Variants in NAALADL2 observed in about 807,000 individuals in gnomAD.
NAALADL2 encodes N-acetylated alpha-linked acidic dipeptidase like 2, also known as inactive N-acetylated-alpha-linked acidic dipeptidase-like protein 2.
A neutral mutation model predicts 87.2 loss-of-function variants in NAALADL2; 76 were observed. That is an observed-to-expected ratio of 0.87 (90% CI 0.72 to 1.05). The LOEUF is 1.05. Among genes scored for constraint, NAALADL2 ranks in the 50% least tolerant of loss-of-function variants. The probability of loss-of-function intolerance (pLI) is 0.00; values close to 1 mark genes in which losing one functional copy is unlikely to be tolerated. For synonymous variants in NAALADL2, 354 were observed against 331.0 expected, an observed-to-expected ratio of 1.07 and a Z score of -0.75; for missense variants, 1,089 against 945.8, an observed-to-expected ratio of 1.15 and a Z score of -1.99.
At chr3:174,615,272 ATCCT>A (rs753077900) in intron 2 of NAALADL2, among the ~76,000 whole-genome samples, 7 of 152,302 alleles carry the variant, frequency 4.6e-5, no homozygotes, top group Non-Finnish European at 1.0e-4. Flanking sequence ...GATCTGATCT[ATCCT>A]TCTTTCAGGT....
At chr3:174,540,513 G>A (rs1289123259) in intron 1 of NAALADL2, among the ~76,000 whole-genome samples, 1 of 152,148 alleles carries the variant, frequency 6.6e-6, no homozygotes, top group African/African-American at 2.4e-5. Context: ...AACTTTCAAA[G>A]CAAGTGGGAT....
At chr3:175,410,480 C>T (rs1484550640) in intron 5 of NAALADL2, among the ~76,000 whole-genome samples, 1 of 152,096 alleles carries the variant, frequency 6.6e-6, no homozygotes, top group Non-Finnish European at 1.5e-5. Flanking sequence ...CACTCACCTA[C>T]TGATTTATTC....
rs554520544 is a variant in NAALADL2, at chr3:174,647,748, CT to C, written c.-114-89888del. ...CCTAAGGAAGTATTCAGTGACAAAT[CT>C]TTTTCACTTGACTCCCTTGATTGAC... On this transcript the variant is annotated intron_variant, in intron 2 of 3. Transcript: ENST00000434257. 4.0e-3 allele frequency among the ~76,000 whole-genome samples: 616 copies of C among 152,248 alleles called. 4 individuals carry two copies. The highest frequency in any genetic ancestry group is 6.5e-3 in the Non-Finnish European group (444 of 68,018).
intron 2 of NAALADL2, among the ~76,000 whole-genome samples, chr3:175,098,557 T>C (rs1646466763): frequency 6.6e-6 from 1 of 152,124 alleles, no homozygotes; most frequent in African/African-American, 2.4e-5. Flanking sequence ...GAGAGGGAAA[T>C]ACCTCAGCTT....
intron 1 of NAALADL2, among the ~76,000 whole-genome samples, chr3:174,891,834 G>A (rs891060093): frequency 2.6e-5 from 4 of 152,072 alleles, no homozygotes; most frequent in African/African-American, 9.7e-5. Flanking sequence ...AGCCAAGAGA[G>A]TGCTGGCATT....
intron 1 of NAALADL2, chr3:174,458,381 A>G (rs912862142): frequency 1.3e-5 from 2 of 152,138 alleles, no homozygotes; most frequent in Non-Finnish European, 1.5e-5. Context: ...GATTTTTCCT[A>G]TTTCACAAAC....
At chr3:175,367,166 T>A (rs1037587982) in intron 5 of NAALADL2, among the ~76,000 whole-genome samples, 33 of 151,546 alleles carry the variant, frequency 2.2e-4, no homozygotes, top group Admixed American at 1.4e-3. Context: ...GATCAGATAG[T>A]TGTAGATATG....
At chr3:174,916,254 A>G (rs1390309338) in intron 1 of NAALADL2, among the ~76,000 whole-genome samples, 1 of 152,122 alleles carries the variant, frequency 6.6e-6, no homozygotes. Flanking sequence ...GAACACATTA[A>G]TACTGTGGTG....
intron 1 of NAALADL2, among the ~76,000 whole-genome samples, chr3:174,865,164 G>A (rs1158126995): frequency 1.3e-5 from 2 of 151,872 alleles, no homozygotes; most frequent in Non-Finnish European, 2.9e-5. Flanking sequence ...CCTGATTAGT[G>A]TAATGCAGGT....
chr3:175,275,572 C>A (rs1344251489), intron 4 of NAALADL2, among the ~76,000 whole-genome samples: 3 of 152,060 alleles, frequency 2.0e-5, no homozygotes, highest in African/African-American at 7.2e-5. Context: ...TGGCAGTAAA[C>A]TGTCTCCTTG....
chr3:174,626,027 A>G (rs1578357990), intron 2 of NAALADL2, among the ~76,000 whole-genome samples: 2 of 151,890 alleles, frequency 1.3e-5, no homozygotes, highest in East Asian at 3.9e-4. Flanking sequence ...GTTTCATTTC[A>G]CTAATTCAAA....
At position 174,936,982 on chromosome 3, in the gene NAALADL2, G is replaced by A. The variant is rs534461593; in HGVS notation, c.43+77532G>A. ...GTTTATTTTAAATATGTGCAGTATA[G>A]TGTCCTTTACCTATAACTCCAAAAG... On this transcript the variant is annotated intron_variant, in intron 1 of 13. Coordinates refer to ENST00000454872, the MANE Select transcript of NAALADL2 (RefSeq NM_207015.3). 6.6e-5 allele frequency among the ~76,000 whole-genome samples: 10 copies of A among 152,174 alleles called. No homozygotes were observed. In the East Asian group the frequency reaches 1.9e-3, roughly 29 times the overall value.
intron 13 of NAALADL2, among the ~76,000 whole-genome samples, chr3:175,798,124 C>T (rs918549993): frequency 1.3e-5 from 2 of 151,950 alleles, no homozygotes; most frequent in Admixed American, 6.6e-5. Context: ...TGAGCTAATT[C>T]TGAAAATCAG....
rs147292542 is a variant in NAALADL2 at position 174,730,264 on chromosome 3, T to C, written c.-114-7377T>C. Reference sequence around the variant, plus strand: ...CAAGATCATTGTGTATTCTTCCTCTTTGAATTTGTTCTGTGTTATCTGTGT... The same window carrying C: ...CAAGATCATTGTGTATTCTTCCTCTCTGAATTTGTTCTGTGTTATCTGTGT... On this transcript the variant is annotated intron_variant, in intron 2 of 3. Transcript: ENST00000434257. Among the ~76,000 whole-genome samples the C allele has an allele frequency of 2.2e-4, 34 of 152,238 alleles. 1 individual carries two copies. The East Asian group carries it at 6.6e-3, about 29-fold the overall frequency.
At chr3:175,280,675 T>G (rs1430686614) in intron 4 of NAALADL2, among the ~76,000 whole-genome samples, 2 of 152,042 alleles carry the variant, frequency 1.3e-5, no homozygotes, top group Admixed American at 1.3e-4. Flanking sequence ...AAATTTTTCT[T>G]TCCTGTTCCT....
intron 2 of NAALADL2, among the ~76,000 whole-genome samples, chr3:174,702,857 G>C (rs1459290976): frequency 6.6e-6 from 1 of 152,114 alleles, no homozygotes; most frequent in Non-Finnish European, 1.5e-5. Flanking sequence ...CTTTGACCTA[G>C]TATTTTGTAG....
At chr3:175,161,465 G>A (rs574407624) in intron 2 of NAALADL2, among the ~76,000 whole-genome samples, 8 of 152,160 alleles carry the variant, frequency 5.3e-5, no homozygotes, top group South Asian at 2.1e-4. Flanking sequence ...GATAATTATC[G>A]AAATAGCTCC....
intron 1 of NAALADL2, among the ~76,000 whole-genome samples, chr3:175,033,190 T>C (rs747972726): frequency 6.6e-6 from 1 of 151,986 alleles, no homozygotes; most frequent in Non-Finnish European, 1.5e-5. Flanking sequence ...TGATATTTGA[T>C]GGTTTCCATA....
chr3:174,678,917 A>G (rs914821473), intron 2 of NAALADL2, among the ~76,000 whole-genome samples: 5 of 152,144 alleles, frequency 3.3e-5, no homozygotes, highest in African/African-American at 4.8e-5. Context: ...ACTGCCATTT[A>G]TTTAAAGTTT....
Sources: allele counts gnomAD v4.1 joint callset (sites outside exome capture counted in the v4.1 genomes callset), GRCh38; gene constraint gnomAD v4.1.1; transcripts MANE v1.5; gene names NCBI Gene and HGNC (gene_info 2026-07-23, HGNC 2026-07-21).